ATP2B4: variants seen among roughly 807,000 people sequenced by gnomAD.
ATP2B4 encodes ATPase plasma membrane Ca2+ transporting 4.
ATP2B4 carries 39 observed loss-of-function variants against 110.3 expected under a neutral mutation model. That is an observed-to-expected ratio of 0.35 (90% CI 0.27 to 0.46). The LOEUF (loss-of-function observed/expected upper bound fraction) is 0.46. Ranked by LOEUF, ATP2B4 falls within the 20% of genes least tolerant of loss-of-function variation. The pLI, the probability that ATP2B4 is intolerant of heterozygous loss-of-function variation, is 1.00. For synonymous variants in ATP2B4, 538 were observed against 571.7 expected, an observed-to-expected ratio of 0.94 and a Z score of 0.84; for missense variants, 1,135 against 1,530.9, an observed-to-expected ratio of 0.74 and a Z score of 4.32.
intron 17 of ATP2B4, among the ~76,000 whole-genome samples, chr1:203,721,630 G>A (rs950312883): frequency 4.6e-5 from 7 of 151,618 alleles, no homozygotes; most frequent in Non-Finnish European, 8.8e-5. Context: ...ATTTCACAAG[G>A]GAGGCTTTAT....
At chr1:203,713,072 T>A (rs1391647814) in intron 13 of ATP2B4, 93 bp from the exon 14 acceptor site, 8 of 1,347,754 alleles carry the variant, frequency 5.9e-6, no homozygotes, top group Non-Finnish European at 8.5e-6. Context: ...GTGTACCCAA[T>A]CTCCCAGTGA....
intron 2 of ATP2B4, among the ~76,000 whole-genome samples, chr1:203,694,412 TA>T (rs1231763644): frequency 2.6e-5 from 4 of 152,080 alleles, no homozygotes; most frequent in Non-Finnish European, 1.5e-5. Context: ...TAGGCCTCAC[TA>T]AAAAGAAGAT....
Position 203,724,787 on chromosome 1 carries a change from G to A in ATP2B4, c.3132+799G>A, listed in dbSNP as rs895493540. On this transcript the variant is annotated intron_variant, in intron 19 of 20. Transcript: ENST00000357681. ...ACCTGAGATAAATTCAGATTTACAA[G>A]ATCTCTAGAGTAGCAGTATGGCCTG... Among the ~76,000 whole-genome samples the A allele has an allele frequency of 3.3e-5, 5 of 149,254 alleles. No individual in the cohort carries two copies. The South Asian group carries it at 6.6e-4, about 20-fold the overall frequency.
At chr1:203,667,347 C>G (rs1664534045) in intron 1 of ATP2B4, among the ~76,000 whole-genome samples, 1 of 152,168 alleles carries the variant, frequency 6.6e-6, no homozygotes, top group African/African-American at 2.4e-5. Context: ...TCTACAAGTA[C>G]ATTAGCAAAG....
chr1:203,659,941 G>T (rs980045711), intron 1 of ATP2B4, among the ~76,000 whole-genome samples: 3 of 152,220 alleles, frequency 2.0e-5, no homozygotes, highest in South Asian at 2.1e-4. Context: ...AATTAGCCGG[G>T]CGTGGTGGCA....
At chr1:203,704,417 G>A (rs1229804623) in intron 8 of ATP2B4, among the ~76,000 whole-genome samples, 1 of 142,718 alleles carries the variant, frequency 7.0e-6, no homozygotes, top group Non-Finnish European at 1.5e-5. Context: ...GGAGTGGGAA[G>A]AAGAAATAGA....
chr1:203,686,344 A>G (rs187690543), intron 2 of ATP2B4, among the ~76,000 whole-genome samples: 39 of 152,098 alleles, frequency 2.6e-4, no homozygotes, highest in African/African-American at 8.4e-4. Context: ...AACCTAGAGA[A>G]CTCCTGACAG....
At chr1:203,725,778 A>G (rs1231676388) in intron 19 of ATP2B4, among the ~76,000 whole-genome samples, 1 of 151,702 alleles carries the variant, frequency 6.6e-6, no homozygotes, top group Non-Finnish European at 1.5e-5. Flanking sequence ...GGTAATGGAC[A>G]CTTTGCCCTA....
Position 203,707,848 on chromosome 1 carries a change from C to T in ATP2B4, c.1315-14C>T, listed in dbSNP as rs764705426. On this transcript the variant is annotated splice_polypyrimidine_tract_variant and intron_variant, in intron 9 of 20. Transcript: ENST00000357681. ...TTAGTCCCCCTCTCAAGTCTTTTCTCTTCTCCTTTGTAGAAAATGATGAAA... is the reference window on the plus strand; with the variant it reads ...TTAGTCCCCCTCTCAAGTCTTTTCTTTTCTCCTTTGTAGAAAATGATGAAA... 6.2e-7 allele frequency: 1 copy of T among 1,612,740 alleles called. No homozygotes were observed. The highest frequency in any genetic ancestry group is 8.5e-7 in the Non-Finnish European group (1 of 1,178,858).
chr1:203,698,217 TC>T lies in ATP2B4; in HGVS notation c.261del (p.Lys89SerfsTer6), dbSNP rs769726180. 1 of 1,613,934 alleles carries T rather than the reference TC, an allele frequency of 6.2e-7. No individual in the cohort carries two copies. Among genetic ancestry groups the T allele is most frequent in the Admixed American group, 1.7e-5 (1 of 59,986 alleles). On this transcript the variant is annotated frameshift_variant, in exon 3 of 21. Transcript: ENST00000357681. LOFTEE classifies it high-confidence loss of function. The stretch of plus-strand genomic sequence containing the variant: ...AGGCAGGTGTTTGGACACAACGTGA[TC>T]CCCCCCAAAAAGCCCAAGACTTTCT... ...KRRQVFGHNVIPPKKPKTFLE... is the reference protein window; with the variant it reads ...KRRQVFGHNVXPPKKPKTFLE...
In ATP2B4 at chr1:203,721,303, G is replaced by A. The variant is rs749337665; in HGVS notation, c.2705G>A (p.Arg902Gln). The A allele has an allele frequency of 2.5e-6, 4 of 1,614,208 alleles. No homozygotes were observed. Among genetic ancestry groups the A allele is most frequent in the Non-Finnish European group, 3.4e-6 (4 of 1,180,032 alleles). The change falls in exon 17 of 21, where the codon CGG becomes CAG. Residue 902 changes from arginine (R) to glutamine (Q), a missense_variant. Physicochemically the swap from Arg to Gln is conservative, Grantham distance 43. Coordinates refer to ENST00000357681, the MANE Select transcript of ATP2B4 (RefSeq NM_001684.5). ...CCCCCTACGGAATCTCTGTTGAAGCGGCGCCCCTATGGCCGAAATAAGCCT... is the reference window on the plus strand; with the variant it reads ...CCCCCTACGGAATCTCTGTTGAAGCAGCGCCCCTATGGCCGAAATAAGCCT... The part of the protein sequence containing the change: ...TEPPTESLLK[R>Q]RPYGRNKPLI...
intron 1 of ATP2B4, among the ~76,000 whole-genome samples, chr1:203,638,634 A>G (rs1454326701): frequency 6.6e-6 from 1 of 152,046 alleles, no homozygotes; most frequent in African/African-American, 2.4e-5. Context: ...GGTACAGCCT[A>G]GTTCTCCCCA....
chr1:203,719,752 A>G (rs992577452), intron 15 of ATP2B4, among the ~76,000 whole-genome samples: 10 of 151,626 alleles, frequency 6.6e-5, no homozygotes, highest in Non-Finnish European at 1.2e-4. Context: ...ATAAATAAAT[A>G]AATGTAATAT....
chr1:203,712,220 C>T (rs952246192), intron 13 of ATP2B4, 81 bp downstream of exon 13: 13 of 1,472,196 alleles, frequency 8.8e-6, no homozygotes, highest in South Asian at 6.4e-5. Flanking sequence ...GGGTCATGTG[C>T]GGGAAGGTGG....
intron 2 of ATP2B4, among the ~76,000 whole-genome samples, chr1:203,684,055 G>C (rs963727929): frequency 6.6e-6 from 1 of 152,048 alleles, no homozygotes; most frequent in Non-Finnish European, 1.5e-5. Context: ...TATAAATGTT[G>C]TTGTCAGTAA....
chr1:203,711,966 G>A lies in ATP2B4; in HGVS notation c.2038G>A (p.Asp680Asn), dbSNP rs1377688849. 6.2e-7 allele frequency: 1 copy of A among 1,613,974 alleles called. No individual in the cohort carries two copies. Among genetic ancestry groups the A allele is most frequent in the Non-Finnish European group, 8.5e-7 (1 of 1,179,976 alleles). The change falls in exon 13 of 21, where the codon GAT becomes AAT. Residue 680 changes from aspartate (D) to asparagine (N), a missense_variant. Coordinates refer to ENST00000357681, the MANE Select transcript of ATP2B4 (RefSeq NM_001684.5). The stretch of plus-strand genomic sequence containing the variant: ...CTTTCTTCACTCTCCATAGGTGCCA[G>A]ATGCTATTGCCAAATGCAAACAAGC... ...IEDPVRPEVPDAIAKCKQAGI... is the reference protein window; with the variant it reads ...IEDPVRPEVPNAIAKCKQAGI...
intron 14 of ATP2B4, among the ~76,000 whole-genome samples, chr1:203,713,766 T>C (rs1286570428): frequency 2.0e-5 from 3 of 152,040 alleles, no homozygotes; most frequent in Admixed American, 1.3e-4. Context: ...CACCTGGCAA[T>C]TGCATGGGTT....
intron 20 of ATP2B4, 129 bp downstream of exon 20, chr1:203,727,700 C>G: frequency 8.6e-7 from 1 of 1,159,418 alleles, no homozygotes. Flanking sequence ...ATGGGCAGCC[C>G]TAGATCCTCA....
At chr1:203,650,078 C>G (rs1251148383) in intron 1 of ATP2B4, among the ~76,000 whole-genome samples, 1 of 152,220 alleles carries the variant, frequency 6.6e-6, no homozygotes, top group South Asian at 2.1e-4. Context: ...GTGGCTTTCA[C>G]GCACACATCC....
Sources: allele counts gnomAD v4.1 joint callset (sites outside exome capture counted in the v4.1 genomes callset), GRCh38; gene constraint gnomAD v4.1.1; transcripts MANE v1.5; gene names NCBI Gene and HGNC (gene_info 2026-07-23, HGNC 2026-07-21).